TOX: variants seen among roughly 807,000 people sequenced by gnomAD.
TOX encodes thymocyte selection-associated high mobility group box protein TOX.
TOX carries 11 observed loss-of-function variants against 53.7 expected under a neutral mutation model. The observed-to-expected ratio is 0.20, with a 90% CI of 0.13 to 0.34. The LOEUF (loss-of-function observed/expected upper bound fraction) is 0.34, where lower values mean the gene tolerates loss of function less well. TOX is among the 10% of genes least tolerant of loss of function. The pLI is 1.00. For missense variants in TOX, 570 were observed against 664.6 expected (o/e 0.86, Z 1.56); for synonymous variants, 225 against 245.3 (o/e 0.92, Z 0.77).
Position 58,866,686 on chromosome 8 carries a change from G to A in TOX, c.412-14881C>T, listed in dbSNP as rs140134952. 1.8e-3 allele frequency among the ~76,000 whole-genome samples: 281 copies of A among 152,282 alleles called. 3 individuals carry two copies. Among genetic ancestry groups the A allele is most frequent in the African/African-American group, 6.1e-3 (255 of 41,554 alleles). On this transcript the variant is annotated intron_variant, in intron 3 of 8. Transcript: ENST00000361421. ...TTTATAAATTGATATTTGCAACTCT[G>A]TTGTCCCCTAATTTCCTGGTGATAG...
At chr8:58,974,693 T>G (rs1475099281) in intron 1 of TOX, among the ~76,000 whole-genome samples, 1 of 121,416 alleles carries the variant, frequency 8.2e-6, no homozygotes, top group Non-Finnish European at 2.0e-5. Context: ...CAAAATAAAT[T>G]CTTCAAACTA....
At chr8:58,869,212 C>T (rs1276953251) in intron 3 of TOX, among the ~76,000 whole-genome samples, 14 of 119,384 alleles carry the variant, frequency 1.2e-4, no homozygotes, top group South Asian at 5.3e-4. Context: ...GGCAACAGAG[C>T]GAGACTGCGT....
intron 1 of TOX, among the ~76,000 whole-genome samples, chr8:58,985,573 C>T (rs190603117): frequency 2.0e-5 from 3 of 152,220 alleles, no homozygotes; most frequent in Admixed American, 1.3e-4. Context: ...AGATTGGTTA[C>T]ACAACAGTGT....
intron 4 of TOX, among the ~76,000 whole-genome samples, chr8:58,848,377 C>A (rs937448069): frequency 7.2e-5 from 11 of 151,768 alleles, no homozygotes; most frequent in African/African-American, 2.7e-4. Flanking sequence ...GAAAAACAAG[C>A]CTATTTTCAT....
intron 1 of TOX, among the ~76,000 whole-genome samples, chr8:59,061,823 G>A (rs967875988): frequency 1.3e-5 from 2 of 152,000 alleles, no homozygotes; most frequent in Non-Finnish European, 2.9e-5. Flanking sequence ...CAAAATCCAC[G>A]TGCGCCCATG....
intron 1 of TOX, among the ~76,000 whole-genome samples, chr8:59,073,578 T>C (rs973262261): frequency 6.6e-6 from 1 of 152,182 alleles, no homozygotes; most frequent in East Asian, 1.9e-4. Flanking sequence ...TTTTTTGTTT[T>C]GTTTTGTTTT....
intron 1 of TOX, among the ~76,000 whole-genome samples, chr8:58,969,387 T>C (rs1433305709): frequency 1.3e-5 from 2 of 152,202 alleles, no homozygotes; most frequent in African/African-American, 2.4e-5. Context: ...TGTTTACATA[T>C]CTTTTGCATT....
intron 3 of TOX, among the ~76,000 whole-genome samples, chr8:58,929,854 A>G (rs1812231510): frequency 6.6e-6 from 1 of 152,178 alleles, no homozygotes; most frequent in African/African-American, 2.4e-5. Flanking sequence ...TTGGAAGACT[A>G]GGCACAAATA....
At chr8:58,954,456 G>T (rs1042235740) in intron 2 of TOX, among the ~76,000 whole-genome samples, 3 of 152,172 alleles carry the variant, frequency 2.0e-5, no homozygotes, top group African/African-American at 7.2e-5. Context: ...AGGCACAGGA[G>T]AGCCAGACAG....
intron 1 of TOX, among the ~76,000 whole-genome samples, chr8:59,047,207 T>G (rs1356535665): frequency 1.0e-5 from 1 of 96,112 alleles, no homozygotes; most frequent in East Asian, 2.9e-4. Context: ...AGAATTGTTT[T>G]TTTTTTTTTT....
intron 1 of TOX, among the ~76,000 whole-genome samples, chr8:59,028,342 G>A (rs1372302439): frequency 3.3e-5 from 5 of 151,836 alleles, no homozygotes; most frequent in Admixed American, 6.6e-5. Context: ...AAAATGAAAC[G>A]TTCCTCATTT....
intron 1 of TOX, among the ~76,000 whole-genome samples, chr8:59,033,768 A>G (rs558391907): frequency 6.6e-6 from 1 of 152,294 alleles, no homozygotes; most frequent in East Asian, 1.9e-4. Flanking sequence ...CAGAGCCCAC[A>G]CTGGAATGTA....
intron 6 of TOX, among the ~76,000 whole-genome samples, chr8:58,824,033 T>C (rs1008483539): frequency 6.6e-6 from 1 of 152,142 alleles, no homozygotes; most frequent in African/African-American, 2.4e-5. Context: ...AAAATGACCT[T>C]ATCAGAGAGA....
intron 1 of TOX, among the ~76,000 whole-genome samples, chr8:59,110,822 G>A (rs904451842): frequency 6.6e-6 from 1 of 151,860 alleles, no homozygotes; most frequent in African/African-American, 2.4e-5. Context: ...TTGACTCTCC[G>A]GAAAGGTTAT....
intron 1 of TOX, among the ~76,000 whole-genome samples, chr8:58,964,772 C>T (rs890381124): frequency 6.6e-6 from 1 of 152,114 alleles, no homozygotes; most frequent in East Asian, 1.9e-4. Context: ...TTTACTCCAA[C>T]ACTCATAAAA....
At chr8:58,825,457 T>A (rs572651720) in intron 6 of TOX, among the ~76,000 whole-genome samples, 6 of 152,168 alleles carry the variant, frequency 3.9e-5, no homozygotes, top group Non-Finnish European at 5.9e-5. Flanking sequence ...TAAGAGCAAA[T>A]CTGAGGACAC....
intron 1 of TOX, among the ~76,000 whole-genome samples, chr8:59,038,288 T>C (rs745686285): frequency 2.6e-5 from 4 of 152,160 alleles, no homozygotes; most frequent in African/African-American, 4.8e-5. Flanking sequence ...AAAGTTGAGG[T>C]GGGAGTTTTC....
intron 3 of TOX, among the ~76,000 whole-genome samples, chr8:58,913,164 G>A (rs1811933710): frequency 6.6e-6 from 1 of 152,126 alleles, no homozygotes; most frequent in South Asian, 2.1e-4. Context: ...ATGATGTAAT[G>A]AAGTTGAAAT....
At chr8:59,030,713 C>G (rs965891067) in intron 1 of TOX, among the ~76,000 whole-genome samples, 1 of 152,128 alleles carries the variant, frequency 6.6e-6, no homozygotes, top group African/African-American at 2.4e-5. Flanking sequence ...TCAACATGTT[C>G]CAACGGTAAT....
Sources: gnomAD v4.1 joint callset for allele counts (sites outside exome capture counted in the v4.1 genomes callset) on GRCh38, gnomAD v4.1.1 for gene constraint, MANE v1.5 for transcripts, NCBI Gene and HGNC (gene_info 2026-07-23, HGNC 2026-07-21) for gene names.